The following DYNC2H1 variants were observed in gnomAD, a reference collection of about 807,000 sequenced individuals.
DYNC2H1 encodes the protein dynein cytoplasmic 2 heavy chain 1.
A neutral mutation model predicts 570.0 loss-of-function variants in DYNC2H1; 410 were observed. The ratio of observed to expected loss-of-function variants is 0.72; its 90% CI spans 0.66 to 0.78. DYNC2H1 has a LOEUF of 0.78. DYNC2H1 is among the 30% of genes least tolerant of loss of function. The pLI is 0.00. For synonymous variants in DYNC2H1, 1,688 were observed against 1,677.6 expected (o/e 1.01, Z -0.15); for missense variants, 4,865 against 5,046.4 (o/e 0.96, Z 1.09).
intron 75 of DYNC2H1, 47 bp downstream of exon 75, chr11:103,287,652 T>G (rs1866403617): frequency 6.8e-7 from 1 of 1,466,150 alleles, no homozygotes; most frequent in Non-Finnish European, 9.3e-7. Flanking sequence ...CTGAATTATT[T>G]GTTTTTAATT....
At chr11:103,219,797 A>G (rs1352276015) in intron 55 of DYNC2H1, 118 bp from the exon 56 acceptor site, 4 of 604,434 alleles carry the variant, frequency 6.6e-6, no homozygotes, top group Non-Finnish European at 1.1e-5. Flanking sequence ...TAGATTCAAA[A>G]CTAGTATTAG....
At chr11:103,454,091 A>G (rs1364628501) in intron 85 of DYNC2H1, among the ~76,000 whole-genome samples, 1 of 151,890 alleles carries the variant, frequency 6.6e-6, no homozygotes, top group Non-Finnish European at 1.5e-5. Context: ...GTTAATGCAA[A>G]CACAGCTTTA....
At chr11:103,220,140 G>A (rs1346576969) in intron 56 of DYNC2H1, 112 bp downstream of exon 56, 5 of 546,096 alleles carry the variant, frequency 9.2e-6, no homozygotes, top group Admixed American at 4.3e-5. Flanking sequence ...TATAAAATGT[G>A]GTTTTCAACC....
intron 4 of DYNC2H1, among the ~76,000 whole-genome samples, chr11:103,115,550 C>A (rs1275156416): frequency 1.3e-5 from 2 of 152,154 alleles, no homozygotes; most frequent in African/African-American, 4.8e-5. Flanking sequence ...GTAATCCCAG[C>A]ACTTTGGGAG....
chr11:103,393,800 A>G (rs567744409), intron 83 of DYNC2H1, among the ~76,000 whole-genome samples: 1 of 152,358 alleles, frequency 6.6e-6, no homozygotes, highest in East Asian at 1.9e-4. Context: ...GAGGCCTCAC[A>G]GTCATGGCGG....
intron 83 of DYNC2H1, among the ~76,000 whole-genome samples, chr11:103,391,938 G>A (rs959869922): frequency 1.3e-5 from 2 of 152,192 alleles, no homozygotes; most frequent in African/African-American, 4.8e-5. Context: ...AGGCTACTCG[G>A]GGGTCAGGGA....
At chr11:103,429,166 TAGG>T (rs2135736665) in intron 84 of DYNC2H1, among the ~76,000 whole-genome samples, 1 of 151,892 alleles carries the variant, frequency 6.6e-6, no homozygotes, top group African/African-American at 2.4e-5. Context: ...GAGACTGAGG[TAGG>T]AGGATCACCT....
At chr11:103,422,100 G>C (rs2135717795) in intron 84 of DYNC2H1, among the ~76,000 whole-genome samples, 1 of 152,140 alleles carries the variant, frequency 6.6e-6, no homozygotes, top group Admixed American at 6.5e-5. Flanking sequence ...AGAAGAAATG[G>C]ATAAATTCCT....
At chr11:103,359,354 A>G (rs1344160387) in intron 83 of DYNC2H1, among the ~76,000 whole-genome samples, 2 of 152,124 alleles carry the variant, frequency 1.3e-5, no homozygotes, top group African/African-American at 2.4e-5. Flanking sequence ...TTGCACTTCA[A>G]AGTTCCCACA....
intron 12 of DYNC2H1, 55 bp downstream of exon 12, chr11:103,125,350 T>A: frequency 2.8e-6 from 3 of 1,084,496 alleles, no homozygotes; most frequent in Non-Finnish European, 3.8e-6. Context: ...TACGTTAAAC[T>A]AGAATATGCT....
intron 48 of DYNC2H1, among the ~76,000 whole-genome samples, chr11:103,198,852 A>G (rs1245814441): frequency 6.6e-6 from 1 of 152,166 alleles, no homozygotes; most frequent in African/African-American, 2.4e-5. Context: ...TTTAGGCACT[A>G]GATTTCTAGA....
At chr11:103,368,406 G>T (rs2135548770) in intron 83 of DYNC2H1, among the ~76,000 whole-genome samples, 1 of 151,736 alleles carries the variant, frequency 6.6e-6, no homozygotes, top group African/African-American at 2.4e-5. Context: ...AGAAATGCTG[G>T]CTAAGGTCTT....
In DYNC2H1 at chr11:103,120,561, C is replaced by T. The variant is rs1452639072; in HGVS notation, c.1114C>T (p.Gln372Ter). Reference protein sequence around the residue: ...FEPFTGLNPVQYNPYTEPLWK... With the variant: ...FEPFTGLNPV Reference sequence around the variant, plus strand: ...ACCTTTTACTGGCCTGAATCCTGTGCAATATAATCCATATACTGAGGTTGT... The same window carrying T: ...ACCTTTTACTGGCCTGAATCCTGTGTAATATAATCCATATACTGAGGTTGT... Residue 372 changes from glutamine (Q) to a stop codon, truncating the protein, a stop_gained, in exon 7 of 89, where the codon CAA becomes TAA. Coordinates refer to ENST00000375735, the MANE Select transcript of DYNC2H1 (RefSeq NM_001377.3). LOFTEE classifies it high-confidence loss of function. The T allele has an allele frequency of 6.2e-7, 1 of 1,612,508 alleles. No individual in the cohort carries two copies. Among genetic ancestry groups the T allele is most frequent in the Non-Finnish European group, 8.5e-7 (1 of 1,179,164 alleles).
At chr11:103,365,302 A>G (rs1940852826) in intron 83 of DYNC2H1, among the ~76,000 whole-genome samples, 1 of 152,008 alleles carries the variant, frequency 6.6e-6, no homozygotes, top group Admixed American at 6.6e-5. Context: ...CGGAGGTTGC[A>G]GTGAGCCAAG....
intron 75 of DYNC2H1, chr11:103,287,844 G>T: frequency 2.6e-6 from 1 of 388,886 alleles, no homozygotes; most frequent in Non-Finnish European, 4.6e-6. Context: ...AGCTGATTTA[G>T]CAAGACAGGA....
intron 11 of DYNC2H1, 77 bp downstream of exon 11, chr11:103,123,077 C>A: frequency 8.5e-7 from 1 of 1,180,024 alleles, no homozygotes; most frequent in East Asian, 3.2e-5. Context: ...AATTAATTAT[C>A]TTTTTCCTTT....
chr11:103,385,398 A>G (rs555293447), intron 83 of DYNC2H1, among the ~76,000 whole-genome samples: 1 of 151,760 alleles, frequency 6.6e-6, no homozygotes, highest in South Asian at 2.1e-4. Flanking sequence ...ATTCTACAGA[A>G]CTGTCTTCTG....
chr11:103,353,035 A>T (rs1333330594), intron 82 of DYNC2H1, among the ~76,000 whole-genome samples: 1 of 152,154 alleles, frequency 6.6e-6, no homozygotes, highest in African/African-American at 2.4e-5. Context: ...TCCTCAGCAA[A>T]CTAACACAGG....
chr11:103,383,112 G>T (rs1422793401), intron 83 of DYNC2H1, among the ~76,000 whole-genome samples: 1 of 152,136 alleles, frequency 6.6e-6, no homozygotes, highest in Non-Finnish European at 1.5e-5. Context: ...TTTGAGGGGG[G>T]GATTCTTTGG....
Sources: allele counts gnomAD v4.1 joint callset (sites outside exome capture counted in the v4.1 genomes callset), GRCh38; gene constraint gnomAD v4.1.1; transcripts MANE v1.5; gene names NCBI Gene and HGNC (gene_info 2026-07-23, HGNC 2026-07-21).